The following CAST variants were observed in gnomAD, a reference collection of about 807,000 sequenced individuals.
CAST encodes calpastatin.
In CAST, 76 loss-of-function variants were observed where a neutral mutation model predicts 119.6. The observed-to-expected ratio is 0.64, with a 90% CI of 0.53 to 0.77. The LOEUF is 0.77. CAST is among the 30% of genes least tolerant of loss of function. The pLI is 0.00. For missense variants in CAST, 953 were observed against 946.5 expected (o/e 1.01, Z -0.09); for synonymous variants, 319 against 331.6 (o/e 0.96, Z 0.41).
the CAST span, among the ~76,000 whole-genome samples, chr5:96,441,334 T>C: frequency 2.0e-5 from 3 of 152,128 alleles, no homozygotes; most frequent in Non-Finnish European, 2.9e-5. Context: ...CCCTTCCTCT[T>C]TTTTTTCTTT....
chr5:96,264,639 T>C, the CAST span, among the ~76,000 whole-genome samples: 2 of 152,270 alleles, frequency 1.3e-5, no homozygotes, highest in South Asian at 2.1e-4. Flanking sequence ...GACCCTCTCA[T>C]GGGAGAAGGG....
chr5:96,138,760 G>T, the CAST span, among the ~76,000 whole-genome samples: 1 of 151,660 alleles, frequency 6.6e-6, no homozygotes, highest in Admixed American at 6.6e-5. Context: ...GATTCCAATT[G>T]TTCATTGCTT....
At chr5:96,522,555 GA>G (rs1435606575), upstream of CAST, among the ~76,000 whole-genome samples, 1 of 152,174 alleles carries the variant, frequency 6.6e-6, no homozygotes, top group East Asian at 1.9e-4. Context: ...GAGACTTTAA[GA>G]AAATGTAGCC....
At chr5:96,067,776 C>G in the CAST span, among the ~76,000 whole-genome samples, 1 of 152,008 alleles carries the variant, frequency 6.6e-6, no homozygotes, top group Admixed American at 6.6e-5. Flanking sequence ...ATCTGAAACA[C>G]TGACTTAGCT....
chr5:96,256,134 A>G, the CAST span, among the ~76,000 whole-genome samples: 2 of 150,942 alleles, frequency 1.3e-5, no homozygotes, highest in African/African-American at 2.4e-5. Flanking sequence ...ATGTATATAA[A>G]TGTATCACCA....
chr5:96,408,696 T>C, the CAST span, among the ~76,000 whole-genome samples: 1 of 152,230 alleles, frequency 6.6e-6, no homozygotes, highest in Admixed American at 6.5e-5. Context: ...GTCTGGCATA[T>C]TTAGAAATTC....
chr5:96,651,205 A>G (rs1748090561), intron 1 of CAST, among the ~76,000 whole-genome samples: 1 of 152,242 alleles, frequency 6.6e-6, no homozygotes, highest in East Asian at 1.9e-4. Context: ...CTCCTCAGCA[A>G]CAAAGCACTG....
At chr5:96,415,502 G>A in the CAST span, among the ~76,000 whole-genome samples, 1 of 152,126 alleles carries the variant, frequency 6.6e-6, no homozygotes, top group East Asian at 1.9e-4. Flanking sequence ...GTCCACAGTT[G>A]CCCTAATGCA....
the CAST span, among the ~76,000 whole-genome samples, chr5:96,334,801 G>T: frequency 2.1e-3 from 314 of 152,250 alleles, 1 homozygote; most frequent in Non-Finnish European, 3.1e-3. Context: ...GATCAGGAGC[G>T]CACAATACAA....
the CAST span, among the ~76,000 whole-genome samples, chr5:96,034,141 A>G: frequency 6.6e-6 from 1 of 152,072 alleles, no homozygotes; most frequent in Admixed American, 6.6e-5. Flanking sequence ...AAGTGGGCAA[A>G]GTACCCCAAT....
the CAST span, among the ~76,000 whole-genome samples, chr5:96,425,100 C>T: frequency 8.6e-4 from 130 of 150,944 alleles, no homozygotes; most frequent in African/African-American, 3.0e-3. Flanking sequence ...GAAACTGATC[C>T]CCTTTTCTAA....
In CAST at chr5:96,762,362, G is replaced by C. The variant is rs149604986; in HGVS notation, c.1922G>C (p.Arg641Pro). 1.0e-5 allele frequency: 16 copies of C among 1,594,350 alleles called. No homozygotes were observed. The Admixed American group carries it at 2.5e-4, about 25-fold the overall frequency. The part of the protein sequence containing the change: ...ASTTQAGAPP[R>P]DTSQSDKDLD... ...ACGACCCAAGCTGGAGCCCCACCCC[G>C]TGATACCTCGGTAAGCAGCACATCT... Residue 641 changes from arginine (R) to proline (P), a missense_variant, in exon 25 of 32, where the codon CGT becomes CCT. By Grantham distance (103) the Arg-to-Pro change is moderately radical (BLOSUM62 -2). Transcript: ENST00000675179.
chr5:96,770,221 C>T lies in CAST; in HGVS notation c.2269-310C>T, dbSNP rs185706815. The T allele has an allele frequency of 8.7e-5, 28 of 321,600 alleles. 1 individual carries two copies. The East Asian group carries it at 8.8e-4, about 10-fold the overall frequency. The allele number at this position is 321,600 out of a possible 1,614,324, so 19.9% of individuals were successfully genotyped here. A position where few individuals can be genotyped will look rare whatever the true frequency, so the allele number is the denominator to read the frequency against. ...GGTTCCCTTTTCTCCACACCCTTGC[C>T]GACATTTATTATCTATTGACAAGCT... On this transcript the variant is annotated intron_variant, in intron 29 of 31. Transcript: ENST00000675179.
At chr5:96,389,895 A>G in the CAST span, among the ~76,000 whole-genome samples, 1 of 152,086 alleles carries the variant, frequency 6.6e-6, no homozygotes, top group Non-Finnish European at 1.5e-5. Flanking sequence ...TGATCATGCC[A>G]TTGCACTGTA....
At chr5:95,963,725 C>CTTTTTTTTTTTTTTTT in the CAST span, among the ~76,000 whole-genome samples, 14 of 129,992 alleles carry the variant, frequency 1.1e-4, no homozygotes, top group African/African-American at 3.0e-4. Flanking sequence ...TTCTCTCTCT[C>CTTTTTTTTTTTTTTTT]TTTTTTTTTT....
chr5:96,765,170 C>G, intron 25 of CAST, 51 bp from the exon 26 acceptor site: 1 of 1,063,876 alleles, frequency 9.4e-7, no homozygotes, highest in African/African-American at 1.6e-5. Flanking sequence ...TAATTTGCCT[C>G]TGATACAGTT....
the CAST span, among the ~76,000 whole-genome samples, chr5:96,495,080 G>A: frequency 6.9e-6 from 1 of 145,582 alleles, no homozygotes; most frequent in South Asian, 2.2e-4. Context: ...ATCGGAGATC[G>A]CACCATTGCA....
chr5:95,964,022 A>G, the CAST span, among the ~76,000 whole-genome samples: 3 of 152,170 alleles, frequency 2.0e-5, no homozygotes, highest in Non-Finnish European at 2.9e-5. Context: ...TAAAAATTAT[A>G]ATAGGAAAAT....
the CAST span, among the ~76,000 whole-genome samples, chr5:95,992,599 G>A: frequency 1.3e-5 from 2 of 152,244 alleles, no homozygotes; most frequent in South Asian, 2.1e-4. Context: ...ATGACTAAAT[G>A]CAATGTGATA....
Sources: gnomAD v4.1 joint callset for allele counts (sites outside exome capture counted in the v4.1 genomes callset) on GRCh38, gnomAD v4.1.1 for gene constraint, MANE v1.5 for transcripts, NCBI Gene and HGNC (gene_info 2026-07-23, HGNC 2026-07-21) for gene names.